GALNT13: variants seen among roughly 807,000 people sequenced by gnomAD.
The protein encoded by GALNT13 is polypeptide N-acetylgalactosaminyltransferase 13.
In GALNT13, 28 loss-of-function variants were observed where a neutral mutation model predicts 64.2. The ratio of observed to expected loss-of-function variants is 0.44; its 90% CI spans 0.32 to 0.60. The LOEUF is 0.60. GALNT13 is among the 20% of genes least tolerant of loss of function. The pLI, the probability that GALNT13 is intolerant of heterozygous loss-of-function variation, is 0.05. For synonymous variants in GALNT13, 214 were observed against 224.6 expected, an observed-to-expected ratio of 0.95 and a Z score of 0.42; for missense variants, 577 against 669.8, an observed-to-expected ratio of 0.86 and a Z score of 1.53.
At chr2:153,301,033 G>T in the GALNT13 span, among the ~76,000 whole-genome samples, 1 of 152,078 alleles carries the variant, frequency 6.6e-6, no homozygotes. Context: ...ATGAAAGCCT[G>T]TCTTTACAAA....
At chr2:153,382,826 T>C in the GALNT13 span, among the ~76,000 whole-genome samples, 2 of 152,066 alleles carry the variant, frequency 1.3e-5, no homozygotes, top group Non-Finnish European at 2.9e-5. Context: ...CTGCATAACA[T>C]AATTATGTGA....
At chr2:153,183,398 A>G in the GALNT13 span, among the ~76,000 whole-genome samples, 1 of 152,092 alleles carries the variant, frequency 6.6e-6, no homozygotes, top group Non-Finnish European at 1.5e-5. Context: ...ATAGATTGCA[A>G]AATTTTTCTC....
At chr2:154,092,524 C>A (rs1701867982) in intron 3 of GALNT13, among the ~76,000 whole-genome samples, 1 of 151,968 alleles carries the variant, frequency 6.6e-6, no homozygotes, top group Non-Finnish European at 1.5e-5. Flanking sequence ...CTGAAAATAT[C>A]TTCCCCAATT....
chr2:153,649,271 T>C, the GALNT13 span, among the ~76,000 whole-genome samples: 4 of 152,216 alleles, frequency 2.6e-5, no homozygotes, highest in South Asian at 8.3e-4. Flanking sequence ...TATAGTATTC[T>C]CTGATGGTAG....
chr2:154,166,504 T>C (rs1685030803), intron 4 of GALNT13, among the ~76,000 whole-genome samples: 1 of 152,128 alleles, frequency 6.6e-6, no homozygotes, highest in Non-Finnish European at 1.5e-5. Context: ...TGTGGAGAAA[T>C]AGGAACACTT....
At chr2:153,659,226 C>G in the GALNT13 span, among the ~76,000 whole-genome samples, 1 of 151,866 alleles carries the variant, frequency 6.6e-6, no homozygotes, top group East Asian at 1.9e-4. Flanking sequence ...TTTTGGGGCC[C>G]AATAGCAGTT....
the GALNT13 span, among the ~76,000 whole-genome samples, chr2:153,412,620 C>G: frequency 6.6e-6 from 1 of 152,170 alleles, no homozygotes; most frequent in Non-Finnish European, 1.5e-5. Flanking sequence ...TCCTGTTTCT[C>G]TCCTCTACAC....
the GALNT13 span, among the ~76,000 whole-genome samples, chr2:153,794,726 G>A: frequency 4.6e-5 from 7 of 151,998 alleles, no homozygotes; most frequent in Non-Finnish European, 1.5e-5. Flanking sequence ...TCACCATCTT[G>A]GCTAGGCTAG....
Position 154,321,057 on chromosome 2 carries a change from T to C in GALNT13, c.1156+19468T>C, listed in dbSNP as rs1011376232. 4.6e-5 allele frequency among the ~76,000 whole-genome samples: 7 copies of C among 152,258 alleles called. No individual in the cohort carries two copies. In the East Asian group the frequency reaches 1.4e-3, roughly 29 times the overall value. ...CCATCTTGGGAAATGTGTTAGCAAC[T>C]GGCATCACAAGGGTACTTTGCTGAG... On this transcript the variant is annotated intron_variant, in intron 9 of 12. Coordinates refer to ENST00000392825, the MANE Select transcript of GALNT13 (RefSeq NM_052917.4).
intron 4 of GALNT13, among the ~76,000 whole-genome samples, chr2:154,228,249 A>G (rs950855581): frequency 1.3e-5 from 2 of 152,090 alleles, no homozygotes; most frequent in African/African-American, 4.8e-5. Context: ...GCTGGCAGAG[A>G]TCTACACTTT....
chr2:153,081,385 C>T, the GALNT13 span, among the ~76,000 whole-genome samples: 8 of 152,152 alleles, frequency 5.3e-5, no homozygotes, highest in East Asian at 1.9e-4. Context: ...ACACTCTTTA[C>T]GTTATTTTAA....
chr2:153,486,436 C>T, the GALNT13 span, among the ~76,000 whole-genome samples: 1 of 152,182 alleles, frequency 6.6e-6, no homozygotes, highest in African/African-American at 2.4e-5. Flanking sequence ...TATTTAAATA[C>T]ATTCCCTCAA....
At chr2:153,250,575 C>A in the GALNT13 span, among the ~76,000 whole-genome samples, 1 of 152,088 alleles carries the variant, frequency 6.6e-6, no homozygotes. Flanking sequence ...TAAAGACACA[C>A]GCACATGTAT....
intron 3 of GALNT13, among the ~76,000 whole-genome samples, chr2:153,988,063 T>TACAC (rs70981690): frequency 0.012 from 1,706 of 139,336 alleles, 10 homozygotes; most frequent in Middle Eastern, 0.021. Context: ...GTGACATATA[T>TACAC]ATATATATAT....
At chr2:154,422,171 A>C (rs183378375) in intron 11 of GALNT13, among the ~76,000 whole-genome samples, 2 of 152,306 alleles carry the variant, frequency 1.3e-5, no homozygotes, top group Non-Finnish European at 1.5e-5. Context: ...TGAGGGGACA[A>C]AAGAAGCAAT....
intron 4 of GALNT13, among the ~76,000 whole-genome samples, chr2:154,225,146 G>A (rs1354335412): frequency 8.0e-5 from 6 of 75,460 alleles, no homozygotes; most frequent in Non-Finnish European, 1.4e-4. Context: ...ATAGATAGAT[G>A]ACAGATAGAT....
chr2:153,302,732 A>G, the GALNT13 span, among the ~76,000 whole-genome samples: 30 of 152,072 alleles, frequency 2.0e-4, no homozygotes, highest in Non-Finnish European at 3.5e-4. Flanking sequence ...ATTTTTTTGT[A>G]TATGTTATGA....
At chr2:153,502,983 C>T in the GALNT13 span, among the ~76,000 whole-genome samples, 1 of 152,036 alleles carries the variant, frequency 6.6e-6, no homozygotes, top group Non-Finnish European at 1.5e-5. Context: ...GAATATTAAT[C>T]CTTTGTCAGA....
At chr2:153,123,047 A>C in the GALNT13 span, among the ~76,000 whole-genome samples, 4 of 152,166 alleles carry the variant, frequency 2.6e-5, no homozygotes, top group Non-Finnish European at 5.9e-5. Context: ...ATCCCATGTG[A>C]AGATACAGAA....
Sources: gnomAD v4.1 joint callset for allele counts (sites outside exome capture counted in the v4.1 genomes callset) on GRCh38, gnomAD v4.1.1 for gene constraint, MANE v1.5 for transcripts, NCBI Gene and HGNC (gene_info 2026-07-23, HGNC 2026-07-21) for gene names.